Variants in SLC45A1 observed in about 807,000 individuals in gnomAD.
SLC45A1 encodes solute carrier family 45 member 1.
In SLC45A1, 28 loss-of-function variants were observed where a neutral mutation model predicts 57.6. The observed-to-expected ratio is 0.49, with a 90% CI of 0.36 to 0.67. The LOEUF (loss-of-function observed/expected upper bound fraction) is 0.67, where lower values mean the gene tolerates loss of function less well. Among genes scored for constraint, SLC45A1 ranks in the 30% least tolerant of loss-of-function variants. SLC45A1 has a pLI of 0.00. For missense variants in SLC45A1, 814 were observed against 1,041.5 expected (o/e 0.78, Z 3.01); for synonymous variants, 459 against 471.5 (o/e 0.97, Z 0.34).
chr1:8,318,667 C>G (rs1254031291), intron 1 of SLC45A1, among the ~76,000 whole-genome samples: 1 of 152,204 alleles, frequency 6.6e-6, no homozygotes, highest in Non-Finnish European at 1.5e-5. Flanking sequence ...AAGGGGAACG[C>G]GCTGAGGTGG....
chr1:8,343,009 C>T lies in SLC45A1; in HGVS notation c.1981-738C>T, dbSNP rs1374140732. On this transcript the variant is annotated intron_variant, in intron 8 of 8. Transcript: ENST00000471889. The surrounding 1 kb of genome is among the most constrained non-coding windows in gnomAD (Gnocchi z 7.7). The stretch of plus-strand genomic sequence containing the variant: ...CATGCCTCAGTTGCCTCCCCCAGGC[C>T]TGGGCCTGATTTGTTTTAGGGAGTT... Among the ~76,000 whole-genome samples the T allele has an allele frequency of 6.6e-6, 1 of 152,228 alleles. No individual in the cohort carries two copies. The highest frequency in any genetic ancestry group is 1.5e-5 in the Non-Finnish European group (1 of 68,044).
At chr1:8,331,888 G>A (rs1484091693) in intron 5 of SLC45A1, among the ~76,000 whole-genome samples, 3 of 151,926 alleles carry the variant, frequency 2.0e-5, no homozygotes, top group African/African-American at 7.3e-5. Flanking sequence ...TGCCTCCCGG[G>A]TTCACGCCAT....
intron 8 of SLC45A1, among the ~76,000 whole-genome samples, chr1:8,342,185 C>T (rs754806531): frequency 1.2e-4 from 18 of 152,110 alleles, no homozygotes; most frequent in Non-Finnish European, 2.2e-4. Flanking sequence ...CCAGCCTGGG[C>T]GACAGAGTGA....
chr1:8,337,759 A>G lies in SLC45A1; in HGVS notation c.1598-57A>G, dbSNP rs1023354351. 13 of 1,509,302 alleles carry G rather than the reference A, an allele frequency of 8.6e-6. No individual in the cohort carries two copies. In the African/African-American group the frequency reaches 1.8e-4, roughly 21 times the overall value. 93.5% of individuals were successfully genotyped at this position (1,509,302 alleles called of 1,614,324 possible). A position where few individuals can be genotyped will look rare whatever the true frequency, so the allele number is the denominator to read the frequency against. ...ACCAGTAGACGCATGTTGGTTAGAG[A>G]AAGGGCAGAGTGTTGGCCTTTGCCC... is the stretch of plus-strand genomic sequence containing the variant. On this transcript the variant is annotated intron_variant, in intron 6 of 8. Transcript: ENST00000471889.
chr1:8,324,644 G>A lies in SLC45A1; in HGVS notation c.315G>A (p.Thr105=), dbSNP rs764162506. 2.7e-5 allele frequency: 43 copies of A among 1,605,802 alleles called. No homozygotes were observed. The highest frequency in any genetic ancestry group is 2.0e-4 in the South Asian group (18 of 89,468). ...FGIEFSYAME[T]AYVTPVLLQM... Reference sequence around the variant, plus strand: ...TCGAGTTCAGCTACGCCATGGAGACGGCGTACGTGACCCCGGTGCTCCTGC... The same window carrying A: ...TCGAGTTCAGCTACGCCATGGAGACAGCGTACGTGACCCCGGTGCTCCTGC... The change falls in exon 2 of 9, where the codon ACG becomes ACA. Residue 105 remains threonine (T), a synonymous_variant. Coordinates refer to ENST00000471889, the MANE Select transcript of SLC45A1 (RefSeq NM_001080397.3).
In SLC45A1 at chr1:8,325,659, A is replaced by G. The variant is rs1640174551; in HGVS notation, c.491-159A>G. On this transcript the variant is annotated intron_variant, in intron 3 of 8. Coordinates refer to ENST00000471889, the MANE Select transcript of SLC45A1 (RefSeq NM_001080397.3). The surrounding 1 kb of genome is among the most constrained non-coding windows in gnomAD (Gnocchi z 6.3). The stretch of plus-strand genomic sequence containing the variant: ...ATAAAAACCCCCATCCAAGTGCAAA[A>G]TATATGGTGAGTTTGCAGGCGGCTT... Among the ~76,000 whole-genome samples, 1 of 152,132 alleles carries G rather than the reference A, an allele frequency of 6.6e-6. No homozygotes were observed. Among genetic ancestry groups the G allele is most frequent in the Non-Finnish European group, 1.5e-5 (1 of 68,018 alleles).
At chr1:8,319,131 T>A (rs1223310311) in intron 1 of SLC45A1, among the ~76,000 whole-genome samples, 1 of 151,872 alleles carries the variant, frequency 6.6e-6, no homozygotes, top group Non-Finnish European at 1.5e-5. Context: ...AAATACAAAA[T>A]TAGCCGGGCG....
chr1:8,335,843 G>A lies in SLC45A1; in HGVS notation c.1597+253G>A, dbSNP rs1280410272. Among the ~76,000 whole-genome samples, 7 of 152,144 alleles carry A rather than the reference G, an allele frequency of 4.6e-5. No homozygotes were observed. Among genetic ancestry groups the A allele is most frequent in the East Asian group, 1.9e-4 (1 of 5,180 alleles). ...GAGCCACATAGCTCACTCTGGGCCC[G>A]ACACCTGGGTCCCCACAGAGCCAAA... On this transcript the variant is annotated intron_variant, in intron 6 of 8. Coordinates refer to ENST00000471889, the MANE Select transcript of SLC45A1 (RefSeq NM_001080397.3). The surrounding 1 kb of genome is among the most constrained non-coding windows in gnomAD (Gnocchi z 4.1).
At chr1:8,341,888 C>G (rs573464911) in intron 8 of SLC45A1, among the ~76,000 whole-genome samples, 36 of 151,852 alleles carry the variant, frequency 2.4e-4, no homozygotes, top group African/African-American at 8.0e-4. Context: ...CCACTGCACT[C>G]CAGCCTGGGT....
chr1:8,330,210 T>G lies in SLC45A1; in HGVS notation c.717T>G (p.Gly239=). 8 of 1,612,598 alleles carry G rather than the reference T, an allele frequency of 5.0e-6. No individual in the cohort carries two copies. The highest frequency in any genetic ancestry group is 6.8e-6 in the Non-Finnish European group (8 of 1,179,220). The change falls in exon 5 of 9, where the codon GGT becomes GGG. Residue 239 remains glycine, a splice_region_variant and synonymous_variant. Coordinates refer to ENST00000471889, the MANE Select transcript of SLC45A1 (RefSeq NM_001080397.3). This position sits in a 1 kb window ranked among gnomAD's most constrained non-coding sequence, Gnocchi z 8.4. ...RGLNIHALLA[G]LGGGFGYVVG... is the part of the protein sequence containing the mutation. The stretch of plus-strand genomic sequence containing the variant: ...CTCAAACCCTGTCTCTTTCCCCAGG[T>G]CTCGGAGGAGGCTTTGGATACGTGG...
chr1:8,332,976 G>C (rs569107278), intron 5 of SLC45A1, among the ~76,000 whole-genome samples: 1 of 152,298 alleles, frequency 6.6e-6, no homozygotes, highest in East Asian at 1.9e-4. Flanking sequence ...TCCCTCGAGG[G>C]AGTCAGCTGG....
chr1:8,338,614 G>A (rs1315236432), intron 7 of SLC45A1, among the ~76,000 whole-genome samples: 9 of 152,270 alleles, frequency 5.9e-5, no homozygotes, highest in Admixed American at 3.3e-4. Flanking sequence ...CGGCTTTGCC[G>A]GCCCAGCGGT....
rs1640201883 is a variant in SLC45A1 at position 8,326,309 on chromosome 1, T to C, written c.715+267T>C. Among the ~76,000 whole-genome samples the C allele has an allele frequency of 6.6e-6, 1 of 152,198 alleles. No individual in the cohort carries two copies. Among genetic ancestry groups the C allele is most frequent in the African/African-American group, 2.4e-5 (1 of 41,448 alleles). On this transcript the variant is annotated intron_variant, in intron 4 of 8. Transcript: ENST00000471889. The surrounding 1 kb of genome is among the most constrained non-coding windows in gnomAD (Gnocchi z 5.5). ...TTCTCATTGTTTGAGGTAGTTATGT[T>C]CTGCAGAGTCACCACAAACACTGAA...
intron 5 of SLC45A1, among the ~76,000 whole-genome samples, chr1:8,331,521 G>A (rs1640411198): frequency 6.6e-6 from 1 of 151,976 alleles, no homozygotes; most frequent in South Asian, 2.1e-4. Context: ...CACATGTGTG[G>A]TCCCAACCAC....
chr1:8,330,811 T>C lies in SLC45A1; in HGVS notation c.1318T>C (p.Leu440=). ...CGGGGACATTCTGAGGGTGGGCTCC[T>C]TGGACACCTCTAAGCCGAGGTCATC... ...CDGDILRVGS[L]DTSKPRSSGI... The change falls in exon 5 of 9, where the codon TTG becomes CTG. Residue 440 remains leucine, a synonymous_variant. Coordinates refer to ENST00000471889, the MANE Select transcript of SLC45A1 (RefSeq NM_001080397.3). The surrounding 1 kb of genome is among the most constrained non-coding windows in gnomAD (Gnocchi z 8.4). The C allele has an allele frequency of 6.2e-7, 1 of 1,613,488 alleles. No homozygotes were observed. Among genetic ancestry groups the C allele is most frequent in the African/African-American group, 1.3e-5 (1 of 75,040 alleles).
chr1:8,327,437 G>A lies in SLC45A1; in HGVS notation c.715+1395G>A, dbSNP rs757918088. Among the ~76,000 whole-genome samples the A allele has an allele frequency of 1.3e-5, 2 of 152,194 alleles. No homozygotes were observed. Among genetic ancestry groups the A allele is most frequent in the African/African-American group, 2.4e-5 (1 of 41,442 alleles). ...GCCCCACTGGTCTCTGGGGCTGGACGTATGGAAACTTCAAGAGAATTAGCT... is the reference window on the plus strand; with the variant it reads ...GCCCCACTGGTCTCTGGGGCTGGACATATGGAAACTTCAAGAGAATTAGCT... On this transcript the variant is annotated intron_variant, in intron 4 of 8. Coordinates refer to ENST00000471889, the MANE Select transcript of SLC45A1 (RefSeq NM_001080397.3). The surrounding 1 kb of genome is among the most constrained non-coding windows in gnomAD (Gnocchi z 4.3).
chr1:8,319,820 G>A (rs1002405468), intron 1 of SLC45A1, among the ~76,000 whole-genome samples: 1 of 152,056 alleles, frequency 6.6e-6, no homozygotes, highest in Non-Finnish European at 1.5e-5. Context: ...GGGTTCAAGC[G>A]ATTCTCCTGC....
rs1243788895 is a variant in SLC45A1, at chr1:8,324,754, G to A, written c.397+28G>A. 3.2e-6 allele frequency: 5 copies of A among 1,544,598 alleles called. No individual in the cohort carries two copies. The Admixed American group carries it at 5.6e-5, about 17-fold the overall frequency. On this transcript the variant is annotated intron_variant, in intron 2 of 8. Coordinates refer to ENST00000471889, the MANE Select transcript of SLC45A1 (RefSeq NM_001080397.3). ...GAGCCCCGGCTCCTCCCCGATGGTG[G>A]AGGGCCTCTGGAAGCCTCCAGAAGC...
At chr1:8,318,648 G>C (rs1639899684) in intron 1 of SLC45A1, among the ~76,000 whole-genome samples, 1 of 152,246 alleles carries the variant, frequency 6.6e-6, no homozygotes, top group Admixed American at 6.5e-5. Flanking sequence ...TCCCGAGCGA[G>C]TCAGCACCAA....
Sources: gnomAD v4.1 joint callset for allele counts (sites outside exome capture counted in the v4.1 genomes callset) on GRCh38, gnomAD v4.1.1 for gene constraint, Gnocchi (gnomAD v3.1) non-coding constraint, MANE v1.5 for transcripts, NCBI Gene and HGNC (gene_info 2026-07-23, HGNC 2026-07-21) for gene names.